Variants in ZRANB3 observed in about 807,000 individuals in gnomAD.
ZRANB3 encodes zinc finger RANBP2-type containing 3.
ZRANB3 carries 125 observed loss-of-function variants against 133.8 expected under a neutral mutation model. The ratio of observed to expected loss-of-function variants is 0.93; its 90% CI spans 0.81 to 1.08. The LOEUF (loss-of-function observed/expected upper bound fraction) is 1.08, where lower values mean the gene tolerates loss of function less well. Among genes scored for constraint, ZRANB3 ranks in the 50% least tolerant of loss-of-function variants. The probability of loss-of-function intolerance (pLI) is 0.00; values close to 1 mark genes in which losing one functional copy is unlikely to be tolerated. For synonymous variants in ZRANB3, 387 were observed against 432.7 expected, an observed-to-expected ratio of 0.89 and a Z score of 1.31; for missense variants, 1,229 against 1,275.5, an observed-to-expected ratio of 0.96 and a Z score of 0.56.
chr2:135,435,265 T>G (rs1689484181), intron 2 of ZRANB3, among the ~76,000 whole-genome samples: 2 of 152,214 alleles, frequency 1.3e-5, no homozygotes, highest in Non-Finnish European at 2.9e-5. Context: ...GTGCCTGCGT[T>G]AGTTTGCTAA....
chr2:135,406,060 T>C (rs1438735272), intron 2 of ZRANB3, among the ~76,000 whole-genome samples: 1 of 151,736 alleles, frequency 6.6e-6, no homozygotes, highest in Non-Finnish European at 1.5e-5. Context: ...AACAACAAAA[T>C]TGATAGACCG....
At position 135,345,609 on chromosome 2, in the gene ZRANB3, A is replaced by G; in HGVS notation, c.618T>C (p.Phe206=). The G allele has an allele frequency of 1.2e-6, 2 of 1,612,450 alleles. No homozygotes were observed. The highest frequency in any genetic ancestry group is 8.5e-7 in the Non-Finnish European group (1 of 1,179,004). ...EELFMQIEAL[F]PQKFGRWTDY... ...CGGTCCATCTTCCAAATTTTTGTGG[A>G]AAGAGAGCTTCAATCTGCATAAAAA... is the stretch of plus-strand genomic sequence containing the variant. Residue 206 remains phenylalanine, a synonymous_variant, in exon 6 of 21, where the codon TTT becomes TTC. Coordinates refer to ENST00000264159, the MANE Select transcript of ZRANB3 (RefSeq NM_032143.4).
At chr2:135,488,126 G>C (rs1692203302) in intron 2 of ZRANB3, among the ~76,000 whole-genome samples, 1 of 152,150 alleles carries the variant, frequency 6.6e-6, no homozygotes, top group Non-Finnish European at 1.5e-5. Flanking sequence ...GAGGCCTGTG[G>C]AGAGGGAAAG....
chr2:135,399,251 T>A (rs1687636211), intron 2 of ZRANB3, among the ~76,000 whole-genome samples: 1 of 152,204 alleles, frequency 6.6e-6, no homozygotes, highest in African/African-American at 2.4e-5. Context: ...TGCTTTCTTA[T>A]GTATCCTTCT....
intron 6 of ZRANB3, among the ~76,000 whole-genome samples, chr2:135,330,143 G>A (rs1684063632): frequency 6.6e-6 from 1 of 152,280 alleles, no homozygotes; most frequent in Middle Eastern, 3.4e-3. Context: ...AGTTTTCAGA[G>A]GTAATGCTTC....
At chr2:135,369,739 T>C (rs1208994287) in intron 3 of ZRANB3, among the ~76,000 whole-genome samples, 1 of 152,204 alleles carries the variant, frequency 6.6e-6, no homozygotes, top group Non-Finnish European at 1.5e-5. Flanking sequence ...GACAGTTCTG[T>C]GAAACAGGGC....
Position 135,276,828 on chromosome 2 carries a change from T to C in ZRANB3, c.967-1073A>G, listed in dbSNP as rs184087166. On this transcript the variant is annotated intron_variant, in intron 8 of 20. Transcript: ENST00000264159. ...AAAGTGGAGAAGCACTTGATTTACG[T>C]TGCAGTCACCTAAAAAGGTTCAGAA... is the stretch of plus-strand genomic sequence containing the variant. 1.2e-3 allele frequency among the ~76,000 whole-genome samples: 179 copies of C among 152,330 alleles called. 1 individual carries two copies. The highest frequency in any genetic ancestry group is 4.1e-3 in the African/African-American group (171 of 41,580).
intron 8 of ZRANB3, among the ~76,000 whole-genome samples, chr2:135,305,179 T>C (rs4954235): frequency 0.11 from 17,135 of 152,216 alleles, 1,212 homozygotes; most frequent in South Asian, 0.32. Context: ...GGTTTCGCCA[T>C]GTTTGCCAGG....
intron 8 of ZRANB3, among the ~76,000 whole-genome samples, chr2:135,295,266 T>C (rs556918425): frequency 1.3e-5 from 2 of 152,228 alleles, no homozygotes; most frequent in Non-Finnish European, 2.9e-5. Context: ...TGCTCCTGTA[T>C]TGGATGCATA....
chr2:135,224,458 T>G lies in ZRANB3; in HGVS notation c.2218A>C (p.Arg740=), dbSNP rs1186236833. 22 of 1,613,380 alleles carry G rather than the reference T, an allele frequency of 1.4e-5. No homozygotes were observed. The highest frequency in any genetic ancestry group is 1.7e-5 in the Non-Finnish European group (20 of 1,179,624). The change falls in exon 15 of 21, where the codon AGG becomes CGG. Residue 740 remains arginine (R), a synonymous_variant. Transcript: ENST00000264159. ...VYDTLMFCAS[R]NTDRIHIYTK... ...TAGATGTGAATCCGGTCAGTATTCC[T>G]ACTTGCACAGAACATTAAGGTGTCA...
intron 8 of ZRANB3, among the ~76,000 whole-genome samples, chr2:135,296,023 T>C (rs1682060330): frequency 6.6e-6 from 1 of 152,224 alleles, no homozygotes; most frequent in African/African-American, 2.4e-5. Flanking sequence ...TTTTCCTTCA[T>C]TTCAACTTTG....
intron 12 of ZRANB3, among the ~76,000 whole-genome samples, chr2:135,243,375 G>A (rs1254399605): frequency 1.3e-5 from 2 of 152,146 alleles, no homozygotes; most frequent in African/African-American, 4.8e-5. Flanking sequence ...TTAGCCGTGC[G>A]TAGCGTTGGC....
rs529213569 is a variant in ZRANB3, at chr2:135,366,503, G to A, written c.181-12875C>T. Among the ~76,000 whole-genome samples, 49 of 152,130 alleles carry A rather than the reference G, an allele frequency of 3.2e-4. No individual in the cohort carries two copies. In the South Asian group the frequency reaches 5.8e-3, roughly 18 times the overall value. The stretch of plus-strand genomic sequence containing the variant: ...TTCAAAAGTTAAAACATAAAGGAAG[G>A]CCACTGAATACTGAGATTAGGCTGG... On this transcript the variant is annotated intron_variant, in intron 3 of 20. Coordinates refer to ENST00000264159, the MANE Select transcript of ZRANB3 (RefSeq NM_032143.4).
intron 2 of ZRANB3, 136 bp from the exon 3 acceptor site, chr2:135,390,956 G>A: frequency 1.1e-6 from 1 of 882,876 alleles, no homozygotes; most frequent in Non-Finnish European, 1.6e-6. Flanking sequence ...TGTCTCCCAG[G>A]TCCAAGTGAT....
intron 19 of ZRANB3, among the ~76,000 whole-genome samples, chr2:135,203,631 A>G (rs1398398836): frequency 6.6e-6 from 1 of 151,804 alleles, no homozygotes; most frequent in East Asian, 1.9e-4. Context: ...AAAAAAAAAA[A>G]AAGAAATTTA....
At chr2:135,309,261 G>A (rs896976416) in intron 8 of ZRANB3, among the ~76,000 whole-genome samples, 1 of 152,138 alleles carries the variant, frequency 6.6e-6, no homozygotes, top group African/African-American at 2.4e-5. Flanking sequence ...GATTACAGGT[G>A]TGAGCCACCG....
intron 3 of ZRANB3, among the ~76,000 whole-genome samples, chr2:135,366,459 C>T (rs1029409851): frequency 1.3e-4 from 20 of 152,108 alleles, no homozygotes; most frequent in African/African-American, 4.8e-4. Context: ...AAAAATTGAG[C>T]CCTAATGAGT....
intron 3 of ZRANB3, among the ~76,000 whole-genome samples, chr2:135,366,455 T>G (rs569429595): frequency 2.0e-4 from 30 of 152,244 alleles, no homozygotes; most frequent in Non-Finnish European, 3.4e-4. Flanking sequence ...GACTAAAAAT[T>G]GAGCCCTAAT....
chr2:135,528,141 C>CTT (rs527625438), intron 1 of ZRANB3, among the ~76,000 whole-genome samples: 11 of 142,116 alleles, frequency 7.7e-5, no homozygotes, highest in African/African-American at 2.0e-4. Context: ...CCTTAAAGCT[C>CTT]TTTTTTTTTT....
Sources: allele counts gnomAD v4.1 joint callset (sites outside exome capture counted in the v4.1 genomes callset), GRCh38; gene constraint gnomAD v4.1.1; transcripts MANE v1.5; gene names NCBI Gene and HGNC (gene_info 2026-07-23, HGNC 2026-07-21).